The following GUCY1B1 variants were observed in gnomAD, a reference collection of about 807,000 sequenced individuals.
The protein encoded by GUCY1B1 is guanylate cyclase 1 soluble subunit beta 1.
GUCY1B1 carries 43 observed loss-of-function variants against 71.0 expected under a neutral mutation model. That is an observed-to-expected ratio of 0.61 (90% confidence interval 0.47 to 0.78). The LOEUF (loss-of-function observed/expected upper bound fraction) is 0.78, where lower values mean the gene tolerates loss of function less well. Ranked by LOEUF, GUCY1B1 falls within the 30% of genes least tolerant of loss-of-function variation. GUCY1B1 has a pLI of 0.00. For synonymous variants in GUCY1B1, 266 were observed against 259.7 expected (o/e 1.02, Z -0.23); for missense variants, 535 against 754.1 (o/e 0.71, Z 3.40).
At chr4:155,786,027 G>A (rs1303450569) in intron 4 of GUCY1B1, among the ~76,000 whole-genome samples, 1 of 152,072 alleles carries the variant, frequency 6.6e-6, no homozygotes, top group Non-Finnish European at 1.5e-5. Context: ...TACTGACTTG[G>A]ATGATTGTGT....
At chr4:155,781,139 A>G (rs2111063259) in intron 4 of GUCY1B1, among the ~76,000 whole-genome samples, 1 of 152,342 alleles carries the variant, frequency 6.6e-6, no homozygotes, top group Non-Finnish European at 1.5e-5. Context: ...ATGAAAGAAA[A>G]TTTCTAAGTA....
chr4:155,797,316 C>T (rs1444034071), intron 8 of GUCY1B1, among the ~76,000 whole-genome samples: 2 of 152,012 alleles, frequency 1.3e-5, no homozygotes. Flanking sequence ...CTGAATTCCA[C>T]CATGATCACT....
At chr4:155,788,894 T>C (rs1244554312) in intron 4 of GUCY1B1, among the ~76,000 whole-genome samples, 1 of 151,992 alleles carries the variant, frequency 6.6e-6, no homozygotes, top group Non-Finnish European at 1.5e-5. Context: ...ATGAACTGAG[T>C]GTTATTTGAA....
At chr4:155,781,655 G>A (rs563244509) in intron 4 of GUCY1B1, among the ~76,000 whole-genome samples, 2 of 151,776 alleles carry the variant, frequency 1.3e-5, no homozygotes, top group Admixed American at 6.6e-5. Flanking sequence ...ATCCTAAATG[G>A]ATAAATAAAA....
intron 5 of GUCY1B1, among the ~76,000 whole-genome samples, chr4:155,792,837 C>A (rs1739272586): frequency 6.6e-6 from 1 of 151,970 alleles, no homozygotes; most frequent in South Asian, 2.1e-4. Context: ...ATGTATTTGC[C>A]TGTGAATAAT....
chr4:155,778,391 A>G (rs1738200396), intron 4 of GUCY1B1, among the ~76,000 whole-genome samples: 1 of 152,232 alleles, frequency 6.6e-6, no homozygotes, highest in African/African-American at 2.4e-5. Context: ...AACATTGAAA[A>G]TTATATAGTT....
intron 6 of GUCY1B1, among the ~76,000 whole-genome samples, chr4:155,794,792 G>T (rs1238916985): frequency 6.6e-6 from 1 of 152,142 alleles, no homozygotes; most frequent in Non-Finnish European, 1.5e-5. Flanking sequence ...GACTCTACCT[G>T]TCCCTTACTG....
At position 155,793,979 on chromosome 4, in the gene GUCY1B1, C is replaced by A. The variant is rs763812533; in HGVS notation, c.619C>A (p.Arg207Ser). The A allele has an allele frequency of 6.2e-7, 1 of 1,609,266 alleles. No individual in the cohort carries two copies. Among genetic ancestry groups the A allele is most frequent in the Non-Finnish European group, 8.5e-7 (1 of 1,175,618 alleles). ...TGAAGAAAATGGTACCCAGGAATCA[C>A]GCATCAGCCCATATACATTCTGCAA... The part of the protein sequence containing the change: ...RFEENGTQES[R>S]ISPYTFCKAF... Residue 207 changes from arginine to serine, a missense_variant, in exon 6 of 14, where the codon CGC becomes AGC. Arg to Ser is a moderately radical substitution (Grantham distance 110). Coordinates refer to ENST00000264424, the MANE Select transcript of GUCY1B1 (RefSeq NM_000857.5).
intron 2 of GUCY1B1, among the ~76,000 whole-genome samples, chr4:155,768,861 C>T (rs150436570): frequency 1.5e-4 from 23 of 152,176 alleles, no homozygotes; most frequent in African/African-American, 5.3e-4. Flanking sequence ...GGTGAGAATT[C>T]GATCTTTATT....
intron 2 of GUCY1B1, among the ~76,000 whole-genome samples, chr4:155,767,056 T>A (rs1417115120): frequency 6.6e-6 from 1 of 152,174 alleles, no homozygotes; most frequent in East Asian, 1.9e-4. Context: ...AAAGCCTGCC[T>A]CAAACACTCA....
chr4:155,780,141 T>C (rs1184626407), intron 4 of GUCY1B1, among the ~76,000 whole-genome samples: 2 of 152,208 alleles, frequency 1.3e-5, no homozygotes, highest in Non-Finnish European at 2.9e-5. Context: ...CTGGAGTAAT[T>C]TTTTATTGCT....
intron 2 of GUCY1B1, among the ~76,000 whole-genome samples, chr4:155,772,908 C>T (rs1465369038): frequency 6.6e-6 from 1 of 152,188 alleles, no homozygotes. Context: ...TTAAGACTAT[C>T]TGCATACTAA....
At chr4:155,774,848 C>T in intron 2 of GUCY1B1, 120 bp from the exon 3 acceptor site, 1 of 661,336 alleles carries the variant, frequency 1.5e-6, no homozygotes, top group South Asian at 1.7e-5. Context: ...ACAAATTTGC[C>T]CAAAAAAACC....
At chr4:155,761,951 T>C (rs886734050) in intron 2 of GUCY1B1, among the ~76,000 whole-genome samples, 1 of 152,150 alleles carries the variant, frequency 6.6e-6, no homozygotes, top group Non-Finnish European at 1.5e-5. Flanking sequence ...GTAATCCAGG[T>C]GTTAGTGTTG....
intron 5 of GUCY1B1, among the ~76,000 whole-genome samples, chr4:155,790,755 G>A (rs529880027): frequency 5.9e-5 from 9 of 152,304 alleles, no homozygotes; most frequent in Admixed American, 1.3e-4. Flanking sequence ...AAACCCTTAA[G>A]TGGAGTATTA....
At chr4:155,805,570 C>T (rs1363879858) in intron 13 of GUCY1B1, among the ~76,000 whole-genome samples, 5 of 152,110 alleles carry the variant, frequency 3.3e-5, no homozygotes, top group Non-Finnish European at 7.3e-5. Flanking sequence ...GACCCCTTTC[C>T]TCAGCTCTCT....
In GUCY1B1 at chr4:155,803,668, A is replaced by G; in HGVS notation, c.1458A>G (p.Pro486=). ...GDKYMTVSGL[P]EPCIHHARSI... The stretch of plus-strand genomic sequence containing the variant: ...AGTATATGACAGTGAGTGGTTTACC[A>G]GAGCCATGCATTCACCATGCACGAT... Residue 486 remains proline (P), a synonymous_variant, in exon 11 of 14, where the codon CCA becomes CCG. Transcript: ENST00000264424. 1 of 1,605,722 alleles carries G rather than the reference A, an allele frequency of 6.2e-7. No individual in the cohort carries two copies. Among genetic ancestry groups the G allele is most frequent in the African/African-American group, 1.3e-5 (1 of 74,788 alleles).
intron 2 of GUCY1B1, among the ~76,000 whole-genome samples, chr4:155,767,279 A>G (rs1737403653): frequency 6.6e-6 from 1 of 152,148 alleles, no homozygotes; most frequent in Non-Finnish European, 1.5e-5. Context: ...GATTTTTGAC[A>G]ACAATATTTT....
chr4:155,775,135 A>G (rs1394359540), intron 3 of GUCY1B1, 67 bp downstream of exon 3: 4 of 845,452 alleles, frequency 4.7e-6, no homozygotes, highest in Non-Finnish European at 6.2e-6. Context: ...TGCATGGTTC[A>G]AGATCACAAC....
Sources: gnomAD v4.1 joint callset for allele counts (sites outside exome capture counted in the v4.1 genomes callset) on GRCh38, gnomAD v4.1.1 for gene constraint, MANE v1.5 for transcripts, NCBI Gene and HGNC (gene_info 2026-07-23, HGNC 2026-07-21) for gene names.